Variants in ZBTB20 observed in about 807,000 individuals in gnomAD.
ZBTB20 encodes the protein zinc finger and BTB domain-containing protein 20.
ZBTB20 carries 9 observed loss-of-function variants against 56.9 expected under a neutral mutation model. That is an observed-to-expected ratio of 0.16 (90% CI 0.10 to 0.28). The LOEUF (loss-of-function observed/expected upper bound fraction) is 0.28, where lower values mean the gene tolerates loss of function less well. Ranked by LOEUF, ZBTB20 falls within the 10% of genes least tolerant of loss-of-function variation. The pLI, the probability that ZBTB20 is intolerant of heterozygous loss-of-function variation, is 1.00. For missense variants in ZBTB20, 655 were observed against 1,003.0 expected (o/e 0.65, Z 4.69); for synonymous variants, 417 against 420.7 (o/e 0.99, Z 0.11).
chr3:114,895,733 A>G (rs2074850192), intron 4 of ZBTB20, among the ~76,000 whole-genome samples: 1 of 152,146 alleles, frequency 6.6e-6, no homozygotes, highest in Non-Finnish European at 1.5e-5. Context: ...ACTACTATGC[A>G]ATAATACATA....
chr3:114,743,029 T>C (rs2066734975), intron 5 of ZBTB20, among the ~76,000 whole-genome samples: 1 of 152,206 alleles, frequency 6.6e-6, no homozygotes, highest in South Asian at 2.1e-4. Context: ...TTTTTTATTA[T>C]GATTTTTGGA....
intron 7 of ZBTB20, among the ~76,000 whole-genome samples, chr3:114,448,162 C>A (rs550956927): frequency 6.6e-6 from 1 of 152,190 alleles, no homozygotes; most frequent in South Asian, 2.1e-4. Context: ...AGGATCAGCT[C>A]TTCTGGCCTC....
At chr3:114,771,744 C>T (rs1578796620) in intron 5 of ZBTB20, among the ~76,000 whole-genome samples, 1 of 152,176 alleles carries the variant, frequency 6.6e-6, no homozygotes, top group East Asian at 1.9e-4. Flanking sequence ...GTTCCTCTTC[C>T]TTATCCCCTC....
chr3:114,802,182 C>A (rs996031672), intron 4 of ZBTB20, among the ~76,000 whole-genome samples: 1 of 151,708 alleles, frequency 6.6e-6, no homozygotes, highest in East Asian at 1.9e-4. Context: ...CACTTTACAG[C>A]GTGGCAGAAT....
At chr3:114,842,402 T>G (rs1028368619) in intron 4 of ZBTB20, among the ~76,000 whole-genome samples, 1 of 152,188 alleles carries the variant, frequency 6.6e-6, no homozygotes, top group Non-Finnish European at 1.5e-5. Context: ...CTCCCTCATC[T>G]CTACCTTACC....
intron 6 of ZBTB20, among the ~76,000 whole-genome samples, chr3:114,685,041 C>A (rs2062244602): frequency 6.6e-6 from 1 of 152,104 alleles, no homozygotes; most frequent in African/African-American, 2.4e-5. Flanking sequence ...CTTTCTACCC[C>A]TTTTCCTTCC....
At chr3:114,873,921 A>G (rs2076101200) in intron 4 of ZBTB20, 1 of 152,182 alleles carries the variant, frequency 6.6e-6, no homozygotes, top group Non-Finnish European at 1.5e-5. Flanking sequence ...GGTTAAAGAA[A>G]TTATGAAAAC....
chr3:114,612,638 A>G (rs2057645198), intron 6 of ZBTB20, among the ~76,000 whole-genome samples: 1 of 152,166 alleles, frequency 6.6e-6, no homozygotes, highest in Non-Finnish European at 1.5e-5. Flanking sequence ...TTTTTACGTG[A>G]TATTCACTAT....
chr3:114,453,290 G>C (rs1043892968), intron 7 of ZBTB20, among the ~76,000 whole-genome samples: 5 of 151,964 alleles, frequency 3.3e-5, no homozygotes, highest in Non-Finnish European at 7.4e-5. Context: ...TCATAGAAGG[G>C]GCAAGAAATC....
At chr3:114,964,804 T>C (rs951385605) in intron 3 of ZBTB20, among the ~76,000 whole-genome samples, 5 of 152,244 alleles carry the variant, frequency 3.3e-5, no homozygotes, top group African/African-American at 1.2e-4. Context: ...TTATGTAATA[T>C]GAGGGATAGG....
chr3:114,680,268 A>G (rs1440560585), intron 6 of ZBTB20, among the ~76,000 whole-genome samples: 1 of 152,230 alleles, frequency 6.6e-6, no homozygotes, highest in Admixed American at 6.5e-5. Context: ...CATGTACCCC[A>G]GAACTTAAAG....
chr3:114,502,949 A>G (rs1283605787), intron 6 of ZBTB20: 1 of 152,180 alleles, frequency 6.6e-6, no homozygotes, highest in African/African-American at 2.4e-5. Flanking sequence ...TATAAACCCA[A>G]TAACTCTCAA....
At chr3:114,539,853 T>C (rs182399827) in intron 6 of ZBTB20, among the ~76,000 whole-genome samples, 1 of 152,130 alleles carries the variant, frequency 6.6e-6, no homozygotes, top group East Asian at 1.9e-4. Flanking sequence ...AAGTCTCTCT[T>C]GTGCTATAAA....
At position 115,145,154 on chromosome 3, in the gene ZBTB20, G is replaced by A. The variant is rs531109772; in HGVS notation, c.-703+2065C>T. Among the ~76,000 whole-genome samples, 9 of 152,268 alleles carry A rather than the reference G, an allele frequency of 5.9e-5. No individual in the cohort carries two copies. The East Asian group carries it at 1.5e-3, about 26-fold the overall frequency. On this transcript the variant is annotated intron_variant, in intron 1 of 11. Coordinates refer to ENST00000675478, the MANE Select transcript of ZBTB20 (RefSeq NM_001348800.3). ...TCAAAAGCTTTCCTGGGAGACTACTGGAAAGATGGCACAGGGATATCACCA... is the reference window on the plus strand; with the variant it reads ...TCAAAAGCTTTCCTGGGAGACTACTAGAAAGATGGCACAGGGATATCACCA...
In ZBTB20 at chr3:114,395,767, T is replaced by C. The variant is rs528472031; in HGVS notation, c.-254-6662A>G. Among the ~76,000 whole-genome samples the C allele has an allele frequency of 3.9e-5, 6 of 152,252 alleles. No homozygotes were observed. In the South Asian group the frequency reaches 1.1e-3, roughly 27 times the overall value. On this transcript the variant is annotated intron_variant, in intron 7 of 11. Coordinates refer to ENST00000675478, the MANE Select transcript of ZBTB20 (RefSeq NM_001348800.3). ...TACCCATGTCCATAAGAAACACCTC[T>C]GATGGCTTGAAGACCCCTGGGATGG...
At chr3:114,778,246 A>G (rs1489305616) in intron 5 of ZBTB20, among the ~76,000 whole-genome samples, 1 of 66,732 alleles carries the variant, frequency 1.5e-5, no homozygotes, top group Admixed American at 1.4e-4. Context: ...AAAGTATGTT[A>G]ATAATAATAA....
intron 4 of ZBTB20, among the ~76,000 whole-genome samples, chr3:114,812,797 G>A (rs894809981): frequency 6.6e-6 from 1 of 152,240 alleles, no homozygotes; most frequent in African/African-American, 2.4e-5. Context: ...ACGTAGGTCG[G>A]GGGAGGCTCA....
chr3:114,939,264 C>T (rs1269291604), intron 3 of ZBTB20, among the ~76,000 whole-genome samples: 2 of 146,146 alleles, frequency 1.4e-5, no homozygotes, highest in Non-Finnish European at 1.5e-5. Context: ...AGATGCTCAT[C>T]GCAGTCTTTT....
At chr3:115,011,106 A>G (rs1205973822) in intron 2 of ZBTB20, among the ~76,000 whole-genome samples, 1 of 151,880 alleles carries the variant, frequency 6.6e-6, no homozygotes, top group African/African-American at 2.4e-5. Context: ...ATACAATCAG[A>G]TGAGACAAAA....
Sources: gnomAD v4.1 joint callset for allele counts (sites outside exome capture counted in the v4.1 genomes callset) on GRCh38, gnomAD v4.1.1 for gene constraint, MANE v1.5 for transcripts, NCBI Gene and HGNC (gene_info 2026-07-23, HGNC 2026-07-21) for gene names.